SND1: variants seen among roughly 807,000 people sequenced by gnomAD.
SND1 encodes staphylococcal nuclease and tudor domain containing 1, also known as staphylococcal nuclease domain-containing protein 1.
A neutral mutation model predicts 121.7 loss-of-function variants in SND1; 38 were observed. That is an observed-to-expected ratio of 0.31 (90% CI 0.24 to 0.41). SND1 has a LOEUF of 0.41. Among genes scored for constraint, SND1 ranks in the 10% least tolerant of loss-of-function variants. SND1 has a pLI of 1.00. For synonymous variants in SND1, 401 were observed against 447.4 expected, an observed-to-expected ratio of 0.90 and a Z score of 1.31; for missense variants, 868 against 1,184.6, an observed-to-expected ratio of 0.73 and a Z score of 3.92.
chr7:127,796,313 C>T (rs921236783), intron 10 of SND1, among the ~76,000 whole-genome samples: 36 of 152,188 alleles, frequency 2.4e-4, no homozygotes, highest in African/African-American at 8.7e-4. Context: ...TTAAAGTTCA[C>T]TTTGAGATTT....
rs142156897 is a variant in SND1 at position 128,025,743 on chromosome 7, G to C, written c.1779+34687G>C. On this transcript the variant is annotated intron_variant, in intron 16 of 23. Coordinates refer to ENST00000354725, the MANE Select transcript of SND1 (RefSeq NM_014390.4). ...GCATGGATCAAAGGGCAGGCCTACT[G>C]GGGTAAGGAACTCTCCCTGCAGCTC... Among the ~76,000 whole-genome samples the C allele has an allele frequency of 3.8e-3, 571 of 152,260 alleles. 3 individuals are homozygous for C. The highest frequency in any genetic ancestry group is 0.014 in the Middle Eastern group (4 of 294).
intron 22 of SND1, 27 bp from the exon 23 acceptor site, chr7:128,091,810 A>G (rs760669889): frequency 2.2e-5 from 35 of 1,613,242 alleles, no homozygotes; most frequent in Non-Finnish European, 2.7e-5. Flanking sequence ...AACTCTGACC[A>G]CTCCCTTTCT....
At chr7:127,877,860 G>A (rs1799719527) in intron 12 of SND1, among the ~76,000 whole-genome samples, 1 of 152,070 alleles carries the variant, frequency 6.6e-6, no homozygotes. Context: ...GGGCTCAAAT[G>A]TAAGCTGCTT....
At chr7:127,950,880 A>AT (rs1010403138) in intron 15 of SND1, among the ~76,000 whole-genome samples, 3 of 152,092 alleles carry the variant, frequency 2.0e-5, no homozygotes, top group Non-Finnish European at 4.4e-5. Flanking sequence ...CCAATTTATT[A>AT]TTTTTTTTAA....
chr7:128,005,576 T>G (rs1802954163), intron 16 of SND1, among the ~76,000 whole-genome samples: 1 of 152,258 alleles, frequency 6.6e-6, no homozygotes, highest in African/African-American at 2.4e-5. Context: ...TGTCATGAGC[T>G]ATCCATTTCC....
At position 128,092,181 on chromosome 7, in the gene SND1, T is replaced by C. The variant is rs1793793367; in HGVS notation, c.*123T>C. The C allele has an allele frequency of 3.8e-6, 4 of 1,064,682 alleles. No individual in the cohort carries two copies. In the Admixed American group the frequency reaches 6.3e-5, roughly 17 times the overall value. 66.0% of individuals were successfully genotyped at this position (1,064,682 alleles called of 1,614,324 possible). On this transcript the variant is annotated 3_prime_UTR_variant, in exon 24 of 24. Coordinates refer to ENST00000354725, the MANE Select transcript of SND1 (RefSeq NM_014390.4). The surrounding 1 kb of genome is among the most constrained non-coding windows in gnomAD (Gnocchi z 4.9). ...GATTGGGTCCAGCTTTGCTTCAGTG[T>C]GTGGAAATGTCTCGTGGGGTGGCAT...
chr7:127,802,915 A>T lies in SND1; in HGVS notation c.1153-4569A>T, dbSNP rs145074106. On this transcript the variant is annotated intron_variant, in intron 10 of 23. Transcript: ENST00000354725. ...TAACGTTCCATCCGTCTTCTTTCAG[A>T]ATGTATCCAGTTCTGACCACTTCTT... 7.9e-5 allele frequency among the ~76,000 whole-genome samples: 12 copies of T among 152,226 alleles called. No individual in the cohort carries two copies. In the East Asian group the frequency reaches 2.1e-3, roughly 27 times the overall value.
intron 21 of SND1, among the ~76,000 whole-genome samples, chr7:128,088,996 CT>C (rs1793731122): frequency 6.6e-6 from 1 of 152,110 alleles, no homozygotes; most frequent in Non-Finnish European, 1.5e-5. Context: ...AAGGGGAAGG[CT>C]TCCTATCCAG....
chr7:128,024,173 AT>A (rs1403061199), intron 16 of SND1, among the ~76,000 whole-genome samples: 3 of 152,054 alleles, frequency 2.0e-5, no homozygotes, highest in Non-Finnish European at 4.4e-5. Flanking sequence ...AAAACAACTT[AT>A]CCTACTGTCC....
chr7:127,689,506 A>G (rs1795875152), intron 2 of SND1, among the ~76,000 whole-genome samples: 1 of 152,200 alleles, frequency 6.6e-6, no homozygotes, highest in African/African-American at 2.4e-5. Flanking sequence ...TTGGGCAGAG[A>G]AATACAAGGC....
At chr7:128,088,446 C>CTTTT (rs1047161140) in intron 21 of SND1, among the ~76,000 whole-genome samples, 24 of 80,150 alleles carry the variant, frequency 3.0e-4, no homozygotes, top group Non-Finnish European at 3.7e-4. Context: ...CCCTATCTCT[C>CTTTT]TTTTTTTTTT....
chr7:128,022,225 A>G (rs4728082), intron 16 of SND1, among the ~76,000 whole-genome samples: 8,623 of 150,298 alleles, frequency 0.057, 801 homozygotes, highest in African/African-American at 0.18. Context: ...AAAAAAAAAA[A>G]AAGAAGGTAG....
chr7:128,037,400 A>G (rs1792769965), intron 16 of SND1, among the ~76,000 whole-genome samples: 1 of 152,220 alleles, frequency 6.6e-6, no homozygotes, highest in Non-Finnish European at 1.5e-5. Context: ...GCCTACCTGG[A>G]TAATCCAGGA....
At chr7:128,030,408 C>T (rs750552921) in intron 16 of SND1, 21 of 1,613,710 alleles carry the variant, frequency 1.3e-5, no homozygotes, top group Non-Finnish European at 1.6e-5. Flanking sequence ...GTTGAGGTAC[C>T]GGGTGTTCGA....
intron 12 of SND1, among the ~76,000 whole-genome samples, chr7:127,861,750 C>T (rs1371925023): frequency 1.3e-5 from 2 of 152,166 alleles, no homozygotes; most frequent in African/African-American, 2.4e-5. Context: ...GGATTACAGG[C>T]GTGAGCCACC....
chr7:128,032,563 C>T (rs1017854326), intron 16 of SND1, among the ~76,000 whole-genome samples: 46 of 151,906 alleles, frequency 3.0e-4, no homozygotes, highest in Non-Finnish European at 6.0e-4. Flanking sequence ...CCGGGGCCCC[C>T]TGGCTCTGAA....
intron 18 of SND1, chr7:128,081,715 G>A: frequency 4.7e-6 from 3 of 632,094 alleles, no homozygotes; most frequent in Admixed American, 4.6e-5. Context: ...ATGAGCCCTG[G>A]CTTGGGCTCA....
At chr7:128,028,743 G>C (rs745846343) in intron 16 of SND1, 1 of 1,614,158 alleles carries the variant, frequency 6.2e-7, no homozygotes, top group African/African-American at 1.3e-5. Flanking sequence ...TTCAGAGATA[G>C]TGGTGACTGT....
At chr7:127,807,435 T>C (rs773674561) in intron 10 of SND1, 49 bp from the exon 11 acceptor site, 2 of 1,425,992 alleles carry the variant, frequency 1.4e-6, no homozygotes, top group Non-Finnish European at 2.0e-6. Flanking sequence ...GTTGTACATG[T>C]TCATTTGATA....
Sources: allele counts gnomAD v4.1 joint callset (sites outside exome capture counted in the v4.1 genomes callset), GRCh38; gene constraint gnomAD v4.1.1; non-coding constraint Gnocchi (gnomAD v3.1); transcripts MANE v1.5; gene names NCBI Gene and HGNC (gene_info 2026-07-23, HGNC 2026-07-21).